MAJIN: variants seen among roughly 807,000 people sequenced by gnomAD.
The protein encoded by MAJIN is membrane anchored junction protein.
Under a neutral mutation model 30.2 loss-of-function variants are expected in MAJIN, and 27 were observed. The observed-to-expected ratio is 0.89, with a 90% CI of 0.66 to 1.23. The LOEUF (loss-of-function observed/expected upper bound fraction) is 1.23. MAJIN is among the 50% of genes most tolerant of loss of function. MAJIN has a pLI of 0.00. For missense variants in MAJIN, 253 were observed against 260.3 expected, an observed-to-expected ratio of 0.97 and a Z score of 0.19; for synonymous variants, 78 against 91.6, an observed-to-expected ratio of 0.85 and a Z score of 0.85.
At chr11:64,957,789 C>T (rs539686946) in intron 3 of MAJIN, among the ~76,000 whole-genome samples, 2 of 152,226 alleles carry the variant, frequency 1.3e-5, no homozygotes, top group African/African-American at 2.4e-5. Context: ...CTCCACCTCC[C>T]GGGTTCAAGC....
At chr11:64,953,119 G>A (rs188797752) in intron 4 of MAJIN, among the ~76,000 whole-genome samples, 9 of 152,194 alleles carry the variant, frequency 5.9e-5, no homozygotes, top group Admixed American at 3.3e-4. Flanking sequence ...TATGACATAC[G>A]TTGAATGTAA....
At chr11:64,949,490 A>G (rs1377198221) in intron 6 of MAJIN, among the ~76,000 whole-genome samples, 1 of 152,178 alleles carries the variant, frequency 6.6e-6, no homozygotes, top group Non-Finnish European at 1.5e-5. Context: ...TAACAACTCA[A>G]TGATATAGGT....
chr11:64,950,514 C>A, intron 4 of MAJIN, 84 bp from the exon 5 acceptor site: 1 of 1,128,718 alleles, frequency 8.9e-7, no homozygotes, highest in Non-Finnish European at 1.3e-6. Flanking sequence ...CTCACATACC[C>A]TATACACTAT....
intron 4 of MAJIN, chr11:64,954,383 G>C: frequency 2.7e-6 from 1 of 374,814 alleles, no homozygotes; most frequent in Non-Finnish European, 5.0e-6. Flanking sequence ...TTACAGTCGA[G>C]TTTCCTGAAC....
chr11:64,959,344 T>C lies in MAJIN; in HGVS notation c.62A>G (p.Asn21Ser), dbSNP rs1405846084. ...ATATCTGATTTTGAATTTATACACA[T>C]TGGGTCCTGCATGAAGAAACCTCGT... ...PETRFLHAGP[N>S]VYKFKIRYGK... The change falls in exon 3 of 11, where the codon AAT (asparagine) becomes AGT (serine). Residue 21 changes from asparagine to serine, a missense_variant. By Grantham distance (46) the Asn-to-Ser change is conservative (BLOSUM62 1). Coordinates refer to ENST00000301896, the MANE Select transcript of MAJIN (RefSeq NM_001037225.3). 6.2e-7 allele frequency: 1 copy of C among 1,613,924 alleles called. No homozygotes were observed. Among genetic ancestry groups the C allele is most frequent in the East Asian group, 2.2e-5 (1 of 44,890 alleles).
chr11:64,941,732 G>A (rs574586793), intron 8 of MAJIN, among the ~76,000 whole-genome samples: 8 of 152,318 alleles, frequency 5.3e-5, no homozygotes, highest in East Asian at 3.9e-4. Flanking sequence ...CTGAAAGGAC[G>A]TTAATGGAGC....
At chr11:64,952,334 C>T (rs764972197) in intron 4 of MAJIN, among the ~76,000 whole-genome samples, 2 of 151,986 alleles carry the variant, frequency 1.3e-5, no homozygotes, top group Non-Finnish European at 2.9e-5. Flanking sequence ...ATTACAGGTG[C>T]CTGCCACCAC....
Position 64,954,774 on chromosome 11 carries a change from T to C in MAJIN, c.130A>G (p.Ile44Val). 1.2e-6 allele frequency: 2 copies of C among 1,613,396 alleles called. No homozygotes were observed. Among genetic ancestry groups the C allele is most frequent in the Non-Finnish European group, 1.7e-6 (2 of 1,179,734 alleles). ...RGEEIENKEVITQELEDSVRV... is the reference protein window; with the variant it reads ...RGEEIENKEVVTQELEDSVRV... The stretch of plus-strand genomic sequence containing the variant: ...TTCCCTACCTCCAGCTCCTGGGTGA[T>C]GACTTCCTTATTTTCTATCTCTTCT... The change falls in exon 4 of 11, where the codon ATC becomes GTC. Residue 44 changes from isoleucine to valine, a missense_variant. Transcript: ENST00000301896.
At chr11:64,951,948 G>A (rs575322854) in intron 4 of MAJIN, among the ~76,000 whole-genome samples, 11 of 151,624 alleles carry the variant, frequency 7.3e-5, no homozygotes, top group Non-Finnish European at 1.5e-4. Flanking sequence ...GAGTGCAGCC[G>A]CACAATCTTG....
In MAJIN at chr11:64,954,412, G is replaced by T. The variant is rs141570807; in HGVS notation, c.147+345C>A. The T allele has an allele frequency of 8.2e-4, 342 of 416,552 alleles. 1 individual carries two copies. The highest frequency in any genetic ancestry group is 6.5e-3 in the African/African-American group (319 of 49,160). The allele number at this position is 416,552 out of a possible 1,614,324, so 25.8% of individuals were successfully genotyped here. A position where few individuals can be genotyped will look rare whatever the true frequency, so the allele number is the denominator to read the frequency against. ...CCTGAACGTCAAGTACCAGGCAGTG[G>T]TTGGGATGGTGAGGTTTCCCAGAGC... On this transcript the variant is annotated intron_variant, in intron 4 of 10. Coordinates refer to ENST00000301896, the MANE Select transcript of MAJIN (RefSeq NM_001037225.3).
At chr11:64,967,641 GAGA>G (rs1440009788) in intron 1 of MAJIN, among the ~76,000 whole-genome samples, 3 of 152,088 alleles carry the variant, frequency 2.0e-5, no homozygotes, top group Admixed American at 6.6e-5. Flanking sequence ...TTTCAAAAGA[GAGA>G]AGTACAGTAA....
intron 6 of MAJIN, among the ~76,000 whole-genome samples, chr11:64,949,422 TTTCA>T (rs1407417233): frequency 6.6e-6 from 1 of 152,226 alleles, no homozygotes; most frequent in Non-Finnish European, 1.5e-5. Flanking sequence ...AATAGTTATC[TTTCA>T]TTCAGTGATT....
intron 8 of MAJIN, among the ~76,000 whole-genome samples, 177 bp from the exon 9 acceptor site, chr11:64,940,823 CTTT>C (rs67006421): frequency 7.8e-6 from 1 of 127,444 alleles, no homozygotes; most frequent in Non-Finnish European, 1.6e-5. Flanking sequence ...TTTTTCTTTT[CTTT>C]TTTTCTTTCT....
intron 9 of MAJIN, 25 bp from the exon 10 acceptor site, chr11:64,939,792 A>T: frequency 6.2e-7 from 1 of 1,608,816 alleles, no homozygotes; most frequent in Non-Finnish European, 8.5e-7. Flanking sequence ...ATCAGGCAGG[A>T]GCAAGATGTT....
chr11:64,969,684 G>A (rs534062398), intron 1 of MAJIN, among the ~76,000 whole-genome samples: 25 of 151,680 alleles, frequency 1.6e-4, no homozygotes, highest in African/African-American at 5.6e-4. Flanking sequence ...GCTGAGGCAG[G>A]CAAGACTCTG....
chr11:64,938,407 G>A lies in MAJIN; in HGVS notation c.*168C>T. Reference sequence around the variant, plus strand: ...GATAAAACCACAGAGGACTCAGCATGGGGACCTCATTCCCCACGACTGAAG... The same window carrying A: ...GATAAAACCACAGAGGACTCAGCATAGGGACCTCATTCCCCACGACTGAAG... On this transcript the variant is annotated 3_prime_UTR_variant, in exon 11 of 11. Transcript: ENST00000301896. The A allele has an allele frequency of 8.8e-7, 1 of 1,133,038 alleles. No homozygotes were observed. The highest frequency in any genetic ancestry group is 1.3e-5 in the South Asian group (1 of 74,984). The allele number at this position is 1,133,038 out of a possible 1,614,324, so 70.2% of individuals were successfully genotyped here.
chr11:64,966,589 A>T (rs1329575701), intron 1 of MAJIN, among the ~76,000 whole-genome samples: 1 of 152,154 alleles, frequency 6.6e-6, no homozygotes, highest in African/African-American at 2.4e-5. Flanking sequence ...AAAGAGGGCA[A>T]ATTTTACTAA....
At chr11:64,942,325 G>A (rs1945391601) in intron 8 of MAJIN, among the ~76,000 whole-genome samples, 1 of 151,924 alleles carries the variant, frequency 6.6e-6, no homozygotes, top group Admixed American at 6.6e-5. Flanking sequence ...GTGGTGTCTG[G>A]TTACATGAAT....
intron 8 of MAJIN, chr11:64,946,275 G>T: frequency 1.7e-6 from 2 of 1,145,092 alleles, no homozygotes; most frequent in Non-Finnish European, 1.2e-6. Context: ...CTCCTGGCTG[G>T]CAGAATAAAT....
Sources: gnomAD v4.1 joint callset for allele counts (sites outside exome capture counted in the v4.1 genomes callset) on GRCh38, gnomAD v4.1.1 for gene constraint, MANE v1.5 for transcripts, NCBI Gene and HGNC (gene_info 2026-07-23, HGNC 2026-07-21) for gene names.